The following PHTF2 variants were observed in gnomAD, a reference collection of about 807,000 sequenced individuals.
PHTF2 encodes protein PHTF2.
PHTF2 carries 60 observed loss-of-function variants against 101.2 expected under a neutral mutation model. The observed-to-expected ratio is 0.59, with a 90% CI of 0.48 to 0.73. The LOEUF is 0.73. Among genes scored for constraint, PHTF2 ranks in the 30% least tolerant of loss-of-function variants. The pLI, the probability that PHTF2 is intolerant of heterozygous loss-of-function variation, is 0.00. For missense variants in PHTF2, 747 were observed against 908.7 expected (o/e 0.82, Z 2.29); for synonymous variants, 311 against 307.3 (o/e 1.01, Z -0.13).
At chr7:77,910,475 C>T in intron 9 of PHTF2, 66 bp downstream of exon 8, 1 of 1,115,128 alleles carries the variant, frequency 9.0e-7, no homozygotes. Context: ...GCACTTCAGT[C>T]TCAGGTAATG....
intron 3 of PHTF2, among the ~76,000 whole-genome samples, chr7:77,888,172 A>G (rs890351497): frequency 7.2e-5 from 11 of 152,020 alleles, no homozygotes; most frequent in East Asian, 3.9e-4. Flanking sequence ...CTGGAGTGCA[A>G]TGGTGCATCT....
intron 3 of PHTF2, among the ~76,000 whole-genome samples, chr7:77,875,360 G>A (rs1319537833): frequency 2.0e-5 from 3 of 151,652 alleles, no homozygotes; most frequent in African/African-American, 4.8e-5. Context: ...CTATTCCTGT[G>A]TGTGTGTATG....
intron 1 of PHTF2, among the ~76,000 whole-genome samples, chr7:77,833,654 T>C (rs181528265): frequency 1.8e-4 from 28 of 152,184 alleles, no homozygotes; most frequent in Non-Finnish European, 1.5e-5. Flanking sequence ...TTGTGTGATA[T>C]ACTTCTCAGC....
chr7:77,907,542 C>T (rs1266781251), intron 7 of PHTF2, among the ~76,000 whole-genome samples: 1 of 152,022 alleles, frequency 6.6e-6, no homozygotes, highest in Admixed American at 6.5e-5. Flanking sequence ...GCCATATGTC[C>T]CAGTTTGCCT....
At chr7:77,822,832 G>A (rs1794397699) in intron 1 of PHTF2, among the ~76,000 whole-genome samples, 1 of 152,096 alleles carries the variant, frequency 6.6e-6, no homozygotes, top group Admixed American at 6.6e-5. Flanking sequence ...TTCTTATTGG[G>A]GGGATGAGTG....
At chr7:77,858,578 G>T (rs1797363221) in intron 3 of PHTF2, among the ~76,000 whole-genome samples, 1 of 151,588 alleles carries the variant, frequency 6.6e-6, no homozygotes, top group Admixed American at 6.6e-5. Flanking sequence ...TGTTTAATTT[G>T]AGAGGTTTTT....
intron 15 of PHTF2, among the ~76,000 whole-genome samples, chr7:77,941,715 C>T (rs566603851): frequency 5.9e-5 from 9 of 152,234 alleles, no homozygotes; most frequent in Admixed American, 2.6e-4. Flanking sequence ...TTTCTGCCAC[C>T]CTCATTGAAA....
chr7:77,952,200 G>C (rs1458146696), intron 18 of PHTF2, among the ~76,000 whole-genome samples: 1 of 151,780 alleles, frequency 6.6e-6, no homozygotes, highest in Non-Finnish European at 1.5e-5. Flanking sequence ...TAACTCTTTG[G>C]GGGTAATTTA....
intron 9 of PHTF2, 133 bp from the exon 9 acceptor site, chr7:77,920,146 A>G (rs1296613425): frequency 3.5e-6 from 2 of 571,578 alleles, no homozygotes; most frequent in African/African-American, 3.8e-5. Context: ...CTAAATTATT[A>G]TACAAATAGG....
At chr7:77,880,086 C>T (rs73375839) in intron 3 of PHTF2, among the ~76,000 whole-genome samples, 367 of 152,242 alleles carry the variant, frequency 2.4e-3, no homozygotes, top group African/African-American at 8.5e-3. Flanking sequence ...ATGACTTTTT[C>T]CCAACAATAT....
intron 7 of PHTF2, among the ~76,000 whole-genome samples, chr7:77,905,910 A>G (rs1487674036): frequency 2.0e-5 from 3 of 152,256 alleles, no homozygotes; most frequent in Non-Finnish European, 4.4e-5. Flanking sequence ...AGCACTGTCT[A>G]GTTCGTAGGA....
At chr7:77,806,404 A>G (rs1216061961) in intron 1 of PHTF2, among the ~76,000 whole-genome samples, 1 of 152,190 alleles carries the variant, frequency 6.6e-6, no homozygotes, top group Non-Finnish European at 1.5e-5. Context: ...GGATCCCTTT[A>G]TCATTGTGAA....
At chr7:77,937,804 C>A in exon 13 of PHTF2, 1 of 1,545,308 alleles carries the variant, frequency 6.5e-7, no homozygotes, top group Non-Finnish European at 8.8e-7. Context: ...GCAGACATGT[C>A]TGTACTTGAA....
chr7:77,942,877 C>A, intron 16 of PHTF2, 91 bp downstream of exon 15: 2 of 654,818 alleles, frequency 3.1e-6, no homozygotes, highest in Non-Finnish European at 4.9e-6. Context: ...ATAAGTAAGC[C>A]TAGTTAGAAA....
chr7:77,892,585 A>C (rs891431899), intron 3 of PHTF2, among the ~76,000 whole-genome samples: 3 of 152,188 alleles, frequency 2.0e-5, no homozygotes, highest in Non-Finnish European at 4.4e-5. Flanking sequence ...TTAGGCTTCT[A>C]ATTTTAAATT....
In PHTF2 at chr7:77,949,582, TA is replaced by T. The variant is rs10716272; in HGVS notation, c.1960-94del. ...ATTAATGTAGAATGTTTCTAAAATGTAATACTAAATTTATGAACAATCTATG... is the reference window on the plus strand; with the variant it reads ...ATTAATGTAGAATGTTTCTAAAATGTATACTAAATTTATGAACAATCTATG... On this transcript the variant is annotated intron_variant, in intron 16 of 19. Transcript: ENST00000416283. The T allele has an allele frequency of 6.5e-3, 4,217 of 645,556 alleles. 118 individuals are homozygous for T. The African/African-American group carries it at 0.067, about 10-fold the overall frequency. The allele number at this position is 645,556 out of a possible 1,614,324, so 40.0% of individuals were successfully genotyped here.
chr7:77,851,615 T>G (rs1054178267), intron 2 of PHTF2, among the ~76,000 whole-genome samples: 8 of 151,568 alleles, frequency 5.3e-5, no homozygotes, highest in African/African-American at 1.9e-4. Context: ...TTTTTTTTTT[T>G]TGGAGACAGA....
At chr7:77,893,912 C>A in intron 4 of PHTF2, 70 bp from the exon 4 acceptor site, 1 of 1,084,270 alleles carries the variant, frequency 9.2e-7, no homozygotes, top group Non-Finnish European at 1.4e-6. Context: ...GCTTTTTTCC[C>A]CTTTCACTTG....
intron 2 of PHTF2, among the ~76,000 whole-genome samples, chr7:77,845,089 T>C (rs1311669209): frequency 3.3e-5 from 5 of 152,208 alleles, no homozygotes; most frequent in African/African-American, 1.2e-4. Context: ...TTCATATATC[T>C]AGTTTCTCAT....
Sources: allele counts gnomAD v4.1 joint callset (sites outside exome capture counted in the v4.1 genomes callset), GRCh38; gene constraint gnomAD v4.1.1; transcripts MANE v1.5; gene names NCBI Gene and HGNC (gene_info 2026-07-23, HGNC 2026-07-21).